CHCHD6: variants seen among roughly 807,000 people sequenced by gnomAD.
CHCHD6 encodes MICOS complex subunit MIC25.
Under a neutral mutation model 32.3 loss-of-function variants are expected in CHCHD6, and 28 were observed. The ratio of observed to expected loss-of-function variants is 0.87; its 90% CI spans 0.64 to 1.19. The LOEUF (loss-of-function observed/expected upper bound fraction) is 1.19. CHCHD6 is among the 50% of genes most tolerant of loss of function. The pLI, the probability that CHCHD6 is intolerant of heterozygous loss-of-function variation, is 0.00. For synonymous variants in CHCHD6, 122 were observed against 117.5 expected (o/e 1.04, Z -0.25); for missense variants, 333 against 307.0 (o/e 1.08, Z -0.63).
rs1034241362 is a variant in CHCHD6 at position 126,763,742 on chromosome 3, A to G, written c.411+30520A>G. Among the ~76,000 whole-genome samples, 3 of 152,218 alleles carry G rather than the reference A, an allele frequency of 2.0e-5. No individual in the cohort carries two copies. In the East Asian group the frequency reaches 5.8e-4, roughly 29 times the overall value. On this transcript the variant is annotated intron_variant, in intron 4 of 7. Transcript: ENST00000290913. ...CTAACAATCCAGTGGAATTGATATC[A>G]GTTTAACTTAAAATCTCTGCCAATT...
At chr3:126,870,508 C>T (rs1361632326) in intron 5 of CHCHD6, among the ~76,000 whole-genome samples, 1 of 152,164 alleles carries the variant, frequency 6.6e-6, no homozygotes, top group East Asian at 1.9e-4. Flanking sequence ...GTTTTGTCTC[C>T]ATCCTTCACG....
chr3:126,740,677 C>T (rs1489214856), intron 4 of CHCHD6, among the ~76,000 whole-genome samples: 1 of 152,192 alleles, frequency 6.6e-6, no homozygotes. Context: ...TTCACCTTCA[C>T]ATTTGCTCAG....
At chr3:126,846,606 C>T (rs1448543105) in intron 4 of CHCHD6, among the ~76,000 whole-genome samples, 4 of 152,200 alleles carry the variant, frequency 2.6e-5, no homozygotes, top group African/African-American at 9.7e-5. Context: ...ATATAAAAGA[C>T]TGATTTCTCA....
chr3:126,802,572 C>A (rs1047674213), intron 4 of CHCHD6, among the ~76,000 whole-genome samples: 1 of 152,106 alleles, frequency 6.6e-6, no homozygotes, highest in African/African-American at 2.4e-5. Flanking sequence ...TGTGAAAAGA[C>A]CAAATCTACG....
intron 4 of CHCHD6, among the ~76,000 whole-genome samples, chr3:126,753,233 C>T (rs1936804635): frequency 6.6e-6 from 1 of 152,186 alleles, no homozygotes. Flanking sequence ...GCTAACATAT[C>T]AGTGGCTTGG....
chr3:126,898,866 T>C (rs1206722555), intron 5 of CHCHD6, among the ~76,000 whole-genome samples: 2 of 152,208 alleles, frequency 1.3e-5, no homozygotes, highest in African/African-American at 2.4e-5. Context: ...CACTGAAATA[T>C]TCACTTTAAA....
At chr3:126,734,807 G>A (rs1347159638) in intron 4 of CHCHD6, among the ~76,000 whole-genome samples, 1 of 152,176 alleles carries the variant, frequency 6.6e-6, no homozygotes, top group African/African-American at 2.4e-5. Context: ...GAAGGTGATC[G>A]GATCCAGTGA....
At chr3:126,948,767 T>C (rs1171111410) in intron 6 of CHCHD6, among the ~76,000 whole-genome samples, 1 of 152,268 alleles carries the variant, frequency 6.6e-6, no homozygotes, top group Non-Finnish European at 1.5e-5. Context: ...AGGTTTGTGC[T>C]ACAGGAAAGC....
rs543798080 is a variant in CHCHD6 at position 126,727,782 on chromosome 3, G to A, written c.196+596G>A. On this transcript the variant is annotated intron_variant, in intron 2 of 7. Transcript: ENST00000290913. Reference sequence around the variant, plus strand: ...TGTTCCCTACTGTATTGTGCGTGTTGCAAATGAAGAAATTTGTGCTTTCCC... The same window carrying A: ...TGTTCCCTACTGTATTGTGCGTGTTACAAATGAAGAAATTTGTGCTTTCCC... Among the ~76,000 whole-genome samples, 9 of 152,286 alleles carry A rather than the reference G, an allele frequency of 5.9e-5. No individual in the cohort carries two copies. In the South Asian group the frequency reaches 1.2e-3, roughly 21 times the overall value.
intron 1 of CHCHD6, among the ~76,000 whole-genome samples, chr3:126,721,904 A>G (rs1449083030): frequency 6.6e-6 from 1 of 152,072 alleles, no homozygotes; most frequent in East Asian, 1.9e-4. Context: ...AGGTTTCTCC[A>G]TGTTATAATG....
At chr3:126,784,655 C>T (rs962451225) in intron 4 of CHCHD6, among the ~76,000 whole-genome samples, 1 of 152,236 alleles carries the variant, frequency 6.6e-6, no homozygotes, top group Non-Finnish European at 1.5e-5. Flanking sequence ...ACACCTTTCC[C>T]TGTTCAGGCA....
chr3:126,785,166 G>A (rs1257179785), intron 4 of CHCHD6, among the ~76,000 whole-genome samples: 1 of 152,082 alleles, frequency 6.6e-6, no homozygotes, highest in Non-Finnish European at 1.5e-5. Context: ...TTTGTTGTGT[G>A]GCTGGCGGGT....
intron 4 of CHCHD6, chr3:126,767,499 A>G (rs1937424815): frequency 1.8e-6 from 1 of 558,514 alleles, no homozygotes; most frequent in East Asian, 3.7e-5. Flanking sequence ...CATGCCTGTT[A>G]GGTGCTCTCT....
At chr3:126,754,009 C>G (rs1576374960) in intron 4 of CHCHD6, among the ~76,000 whole-genome samples, 1 of 152,190 alleles carries the variant, frequency 6.6e-6, no homozygotes, top group South Asian at 2.1e-4. Context: ...TATTCACATG[C>G]TTCCTTAGAG....
Position 126,829,018 on chromosome 3 carries a change from C to T in CHCHD6, c.412-23629C>T, listed in dbSNP as rs186489377. On this transcript the variant is annotated intron_variant, in intron 4 of 7. Transcript: ENST00000290913. ...ATTACTTCTTTTCTTCTGCTTACTT[C>T]GGGTTTAATTAGCTGGGGTTATTTC... Among the ~76,000 whole-genome samples the T allele has an allele frequency of 3.7e-3, 569 of 152,264 alleles. 3 individuals carry two copies. The highest frequency in any genetic ancestry group is 5.8e-3 in the Non-Finnish European group (392 of 67,996).
chr3:126,758,397 T>C (rs956792990), intron 4 of CHCHD6, among the ~76,000 whole-genome samples: 2 of 152,226 alleles, frequency 1.3e-5, no homozygotes, highest in African/African-American at 4.8e-5. Context: ...TACATCTCAT[T>C]TCTCACAGCA....
At chr3:126,791,809 C>T (rs1055333527) in intron 4 of CHCHD6, among the ~76,000 whole-genome samples, 9 of 152,206 alleles carry the variant, frequency 5.9e-5, no homozygotes, top group African/African-American at 2.2e-4. Context: ...CAGGGTTTCA[C>T]CATGTTGGCC....
chr3:126,705,009 C>T (rs1272045205), intron 1 of CHCHD6, among the ~76,000 whole-genome samples: 1 of 152,182 alleles, frequency 6.6e-6, no homozygotes, highest in African/African-American at 2.4e-5. Context: ...ATTTCCCTCG[C>T]GTGGCACCCG....
At chr3:126,834,053 CAAA>C (rs55790919) in intron 4 of CHCHD6, among the ~76,000 whole-genome samples, 5 of 44,458 alleles carry the variant, frequency 1.1e-4, no homozygotes, top group African/African-American at 2.2e-4. Flanking sequence ...GACTCCGTCT[CAAA>C]AAAAAAAAAA....
Sources: allele counts gnomAD v4.1 joint callset (sites outside exome capture counted in the v4.1 genomes callset), GRCh38; gene constraint gnomAD v4.1.1; transcripts MANE v1.5; gene names NCBI Gene and HGNC (gene_info 2026-07-23, HGNC 2026-07-21).